The following GABRB3 variants were observed in gnomAD, a reference collection of about 807,000 sequenced individuals.
The protein encoded by GABRB3 is gamma-aminobutyric acid type A receptor subunit beta3, also known as gamma-aminobutyric acid receptor subunit beta-3.
In GABRB3, 14 loss-of-function variants were observed where a neutral mutation model predicts 52.1. The observed-to-expected ratio is 0.27, with a 90% CI of 0.18 to 0.42. GABRB3 has a LOEUF of 0.42. Among genes scored for constraint, GABRB3 ranks in the 10% least tolerant of loss-of-function variants. The pLI is 1.00. For synonymous variants in GABRB3, 260 were observed against 232.3 expected (o/e 1.12, Z -1.08); for missense variants, 307 against 609.1 (o/e 0.50, Z 5.22).
chr15:26,724,916 C>T (rs940130972), intron 3 of GABRB3, among the ~76,000 whole-genome samples: 27 of 152,156 alleles, frequency 1.8e-4, no homozygotes, highest in African/African-American at 6.3e-4. Context: ...CAGGCTGCAA[C>T]CCTTTATGAG....
At chr15:26,689,048 G>C (rs1157181083) in intron 3 of GABRB3, among the ~76,000 whole-genome samples, 1 of 152,202 alleles carries the variant, frequency 6.6e-6, no homozygotes, top group Non-Finnish European at 1.5e-5. Flanking sequence ...CTGCAGAATA[G>C]AGATGGGTTG....
At chr15:26,732,962 C>A (rs572834535) in intron 3 of GABRB3, among the ~76,000 whole-genome samples, 1 of 151,432 alleles carries the variant, frequency 6.6e-6, no homozygotes, top group East Asian at 2.0e-4. Context: ...TGTGCCACTG[C>A]ACTCCAGCCT....
intron 3 of GABRB3, chr15:26,666,773 G>C (rs1887725859): frequency 6.6e-6 from 1 of 152,248 alleles, no homozygotes; most frequent in South Asian, 2.1e-4. Context: ...ATGTTCCATG[G>C]TCCTAGGACA....
In GABRB3 at chr15:26,550,433, C is replaced by T. The variant is rs138273170; in HGVS notation, c.1081-2299G>A. Among the ~76,000 whole-genome samples the T allele has an allele frequency of 9.2e-4, 140 of 152,260 alleles. 2 individuals are homozygous for T. The East Asian group carries it at 0.021, about 23-fold the overall frequency. Reference sequence around the variant, plus strand: ...TCATCAGGAAAATGCAAATCAAAGCCACATGAGATATCATCTCACCGCAGT... The same window carrying T: ...TCATCAGGAAAATGCAAATCAAAGCTACATGAGATATCATCTCACCGCAGT... On this transcript the variant is annotated intron_variant, in intron 8 of 8. Coordinates refer to ENST00000311550, the MANE Select transcript of GABRB3 (RefSeq NM_000814.6).
chr15:26,574,243 A>G (rs1890513219), intron 6 of GABRB3, among the ~76,000 whole-genome samples: 1 of 152,156 alleles, frequency 6.6e-6, no homozygotes, highest in South Asian at 2.1e-4. Flanking sequence ...TATGGCCACA[A>G]TAAAAAAGAC....
At chr15:26,576,747 G>A (rs1386510855) in intron 6 of GABRB3, among the ~76,000 whole-genome samples, 1 of 152,142 alleles carries the variant, frequency 6.6e-6, no homozygotes, top group Admixed American at 6.5e-5. Context: ...GACTAAGGGG[G>A]CAGGCACTGG....
intron 3 of GABRB3, among the ~76,000 whole-genome samples, chr15:26,730,176 T>C (rs1595555502): frequency 1.3e-5 from 2 of 152,286 alleles, no homozygotes; most frequent in Middle Eastern, 6.8e-3. Flanking sequence ...GGAGAAAATG[T>C]ATCATTCTTC....
chr15:26,760,738 C>A (rs991635975), intron 3 of GABRB3, among the ~76,000 whole-genome samples: 7 of 151,176 alleles, frequency 4.6e-5, no homozygotes, highest in African/African-American at 1.7e-4. Context: ...CACTGTATTT[C>A]GAAAATAAGA....
intron 3 of GABRB3, chr15:26,625,391 C>T: frequency 3.0e-6 from 2 of 673,438 alleles, no homozygotes; most frequent in Non-Finnish European, 3.7e-6. Context: ...TCCTTTTCTT[C>T]AATGCATCCC....
At chr15:26,729,744 C>G (rs1243263080) in intron 3 of GABRB3, among the ~76,000 whole-genome samples, 1 of 152,202 alleles carries the variant, frequency 6.6e-6, no homozygotes, top group Non-Finnish European at 1.5e-5. Flanking sequence ...TTCACTTCCT[C>G]CAGGTGCATG....
At chr15:26,693,608 A>T (rs780674855) in intron 3 of GABRB3, among the ~76,000 whole-genome samples, 14 of 152,328 alleles carry the variant, frequency 9.2e-5, no homozygotes, top group Non-Finnish European at 2.1e-4. Flanking sequence ...ACAACAAGAA[A>T]AAAAAGCTGA....
At chr15:26,555,344 G>A (rs1332768325) in intron 8 of GABRB3, among the ~76,000 whole-genome samples, 1 of 152,162 alleles carries the variant, frequency 6.6e-6, no homozygotes, top group Non-Finnish European at 1.5e-5. Flanking sequence ...GGGGACTTCA[G>A]GAACTGCACA....
chr15:26,583,281 G>C, intron 5 of GABRB3, 51 bp downstream of exon 5: 2 of 1,448,256 alleles, frequency 1.4e-6, no homozygotes, highest in South Asian at 2.3e-5. Flanking sequence ...AATGACAAAA[G>C]GATCAAAAGT....
chr15:26,596,892 G>A (rs1263550603), intron 4 of GABRB3, among the ~76,000 whole-genome samples: 3 of 152,136 alleles, frequency 2.0e-5, no homozygotes, highest in Non-Finnish European at 2.9e-5. Context: ...CCAAGGTAGA[G>A]AACGTGCATC....
chr15:26,698,747 T>G (rs1046739730), intron 3 of GABRB3, among the ~76,000 whole-genome samples: 2 of 152,092 alleles, frequency 1.3e-5, no homozygotes, highest in African/African-American at 4.8e-5. Context: ...CCCCAAAGGC[T>G]CCCGCCTGGC....
chr15:26,744,626 A>AT (rs1890290020), intron 3 of GABRB3, among the ~76,000 whole-genome samples: 1 of 152,056 alleles, frequency 6.6e-6, no homozygotes, highest in Admixed American at 6.5e-5. Flanking sequence ...AGGTTTCACC[A>AT]TGTTGGCCAG....
chr15:26,711,730 C>T (rs1430359535), intron 3 of GABRB3, among the ~76,000 whole-genome samples: 1 of 152,210 alleles, frequency 6.6e-6, no homozygotes, highest in Non-Finnish European at 1.5e-5. Flanking sequence ...TGGAAGAAGA[C>T]TTTCCTTTCT....
chr15:26,690,140 G>A (rs1352545149), intron 3 of GABRB3, among the ~76,000 whole-genome samples: 3 of 131,742 alleles, frequency 2.3e-5, no homozygotes, highest in African/African-American at 8.1e-5. Flanking sequence ...GTCTCACTCT[G>A]TCACCCAGGC....
chr15:26,700,859 TC>T (rs1203756430), intron 3 of GABRB3, among the ~76,000 whole-genome samples: 4 of 152,250 alleles, frequency 2.6e-5, no homozygotes, highest in Non-Finnish European at 4.4e-5. Flanking sequence ...GTCGAGACCA[TC>T]CTGGCTAACA....
Sources: allele counts gnomAD v4.1 joint callset (sites outside exome capture counted in the v4.1 genomes callset), GRCh38; gene constraint gnomAD v4.1.1; transcripts MANE v1.5; gene names NCBI Gene and HGNC (gene_info 2026-07-23, HGNC 2026-07-21).